SLC35B1: variants seen among roughly 807,000 people sequenced by gnomAD.
SLC35B1 encodes solute carrier family 35 member B1, also known as ATP/ADP exchanger ER.
SLC35B1 carries 27 observed loss-of-function variants against 36.6 expected under a neutral mutation model. The ratio of observed to expected loss-of-function variants is 0.74; its 90% CI spans 0.54 to 1.02. The LOEUF is 1.02. Among genes scored for constraint, SLC35B1 ranks in the 50% least tolerant of loss-of-function variants. SLC35B1 has a pLI of 0.00. For synonymous variants in SLC35B1, 162 were observed against 152.5 expected (o/e 1.06, Z -0.46); for missense variants, 321 against 383.2 (o/e 0.84, Z 1.35).
chr17:49,706,973 G>T lies in SLC35B1; in HGVS notation c.200C>A (p.Ala67Asp), dbSNP rs779192181. ...FIQCVINAVF[A>D]KILIQFFDTA... The stretch of plus-strand genomic sequence containing the variant: ...ACTATCTGGGTACTCACAGATCTTG[G>T]CAAACACAGCATTGATCACACATTG... The change falls in exon 2 of 9, where the codon GCC becomes GAC. Residue 67 changes from alanine to aspartate, a missense_variant. Ala to Asp is a moderately radical substitution (Grantham distance 126). Transcript: ENST00000240333. The T allele has an allele frequency of 6.2e-7, 1 of 1,612,994 alleles. No homozygotes were observed. Among genetic ancestry groups the T allele is most frequent in the Admixed American group, 1.7e-5 (1 of 60,000 alleles).
upstream of SLC35B1, chr17:49,708,085 A>T (rs772071619): frequency 2.0e-5 from 15 of 767,572 alleles, no homozygotes; most frequent in South Asian, 2.1e-4. Context: ...CCTTGGCTCC[A>T]TCCCTGAGGG....
At chr17:49,702,795 A>G in intron 8 of SLC35B1, 63 bp downstream of exon 8, 1 of 1,506,780 alleles carries the variant, frequency 6.6e-7, no homozygotes, top group South Asian at 1.2e-5. Flanking sequence ...AATTTCATAA[A>G]TATACAAGTA....
chr17:49,701,726 A>G, intron 8 of SLC35B1: 1 of 505,612 alleles, frequency 2.0e-6, no homozygotes, highest in East Asian at 3.2e-5. Context: ...AAATATATCT[A>G]TATAGAGATA....
At position 49,706,008 on chromosome 17, in the gene SLC35B1, G is replaced by A. The variant is rs558713985; in HGVS notation, c.340-112C>T. On this transcript the variant is annotated intron_variant, in intron 3 of 8. Coordinates refer to ENST00000240333, the MANE Select transcript of SLC35B1 (RefSeq NM_005827.4). ...CACAGGGCCTGCACCAGAGACCTCA[G>A]CCTCAGAAAGCAGCCCTATCATGGC... The A allele has an allele frequency of 1.1e-4, 140 of 1,308,694 alleles. No homozygotes were observed. In the East Asian group the frequency reaches 2.3e-3, roughly 22 times the overall value. The allele number at this position is 1,308,694 out of a possible 1,614,324, so 81.1% of individuals were successfully genotyped here.
In SLC35B1 at chr17:49,706,346, C is replaced by CAAAAAAAAAAAAAAAAAAGAAAAAA. The variant is rs2073417529; in HGVS notation, c.209-13_209-12insTTTTTTCTTTTTTTTTTTTTTTTTT. 1.5e-5 allele frequency: 11 copies of CAAAAAAAAAAAAAAAAAAGAAAAAA among 733,612 alleles called. No individual in the cohort carries two copies. Among genetic ancestry groups the CAAAAAAAAAAAAAAAAAAGAAAAAA allele is most frequent in the Admixed American group, 9.5e-5 (1 of 10,498 alleles). 45.4% of individuals were successfully genotyped at this position (733,612 alleles called of 1,614,324 possible). On this transcript the variant is annotated splice_polypyrimidine_tract_variant and intron_variant, in intron 2 of 8. Transcript: ENST00000240333. Reference sequence around the variant, plus strand: ...AAAAAACTGGATCACTGGGAGAAGACAAAAAAAAAAAAAAAAAAAGAAAAG... The same window carrying CAAAAAAAAAAAAAAAAAAGAAAAAA: ...AAAAAACTGGATCACTGGGAGAAGACAAAAAAAAAAAAAAAAAAGAAAAAAAAAAAAAAAAAAAAAAAAAGAAAAG...
In SLC35B1 at chr17:49,705,894, G is replaced by C. The variant is rs1177970686; in HGVS notation, c.342C>G (p.Val114=). The C allele has an allele frequency of 6.2e-7, 1 of 1,613,788 alleles. No individual in the cohort carries two copies. The highest frequency in any genetic ancestry group is 8.5e-7 in the Non-Finnish European group (1 of 1,179,880). ...ALQFVNYPTQ[V]LGKSCKPIPV... is the part of the protein sequence containing the mutation. ...GGATTGGCTTGCAGGATTTACCAAG[G>C]ACCTGAAATTAAATCCAGCAAATAA... The change falls in exon 4 of 9, where the codon GTC becomes GTG. Residue 114 remains valine, a splice_region_variant and synonymous_variant. Transcript: ENST00000240333.
chr17:49,706,436 G>A, intron 2 of SLC35B1, 102 bp from the exon 3 acceptor site: 1 of 1,120,978 alleles, frequency 8.9e-7, no homozygotes, highest in Non-Finnish European at 1.2e-6. Context: ...AAGCAAAGCT[G>A]AAGCCACATG....
intron 1 of SLC35B1, 197 bp downstream of exon 1, chr17:49,707,533 T>G: frequency 7.4e-6 from 11 of 1,489,522 alleles, no homozygotes; most frequent in African/African-American, 1.4e-5. Flanking sequence ...AATAACCAAG[T>G]CCGAAGAATC....
intron 1 of SLC35B1, 115 bp from the exon 2 acceptor site, chr17:49,707,183 G>A: frequency 7.6e-7 from 1 of 1,323,300 alleles, no homozygotes; most frequent in Non-Finnish European, 1.1e-6. Flanking sequence ...CTGGATGTAG[G>A]CAGAGTTTGT....
chr17:49,703,059 A>G lies in SLC35B1; in HGVS notation c.763-48T>C, dbSNP rs749360062. On this transcript the variant is annotated intron_variant, in intron 7 of 8. Coordinates refer to ENST00000240333, the MANE Select transcript of SLC35B1 (RefSeq NM_005827.4). ...TCCGGTGGGCTTCTGGGTATCTGCC[A>G]TTGGTCTAAAGTCTATAAACAGACC... The G allele has an allele frequency of 6.2e-6, 10 of 1,610,888 alleles. No individual in the cohort carries two copies. In the Admixed American group the frequency reaches 1.0e-4, roughly 16 times the overall value.
chr17:49,704,232 A>C lies in SLC35B1; in HGVS notation c.529-6T>G. ...TCCAGGGTCAGCGATAATAGCTGGG[A>C]AAGAAAGGGTGCAGCCTGCAGTGAA... On this transcript the variant is annotated splice_region_variant and splice_polypyrimidine_tract_variant and intron_variant, in intron 5 of 8. Transcript: ENST00000240333. The C allele has an allele frequency of 6.2e-7, 1 of 1,612,852 alleles. No homozygotes were observed. Among genetic ancestry groups the C allele is most frequent in the Non-Finnish European group, 8.5e-7 (1 of 1,179,784 alleles).
rs989224552 is a variant in SLC35B1, at chr17:49,703,379, C to A, written c.656-85G>T. The stretch of plus-strand genomic sequence containing the variant: ...ACACACACACACACACACACACAGA[C>A]ACTCCTGCACATGGCCTGTTAAAGA... On this transcript the variant is annotated intron_variant, in intron 6 of 8. Transcript: ENST00000240333. 12 of 835,498 alleles carry A rather than the reference C, an allele frequency of 1.4e-5. No individual in the cohort carries two copies. In the African/African-American group the frequency reaches 2.0e-4, roughly 14 times the overall value. The allele number at this position is 835,498 out of a possible 1,614,324, so 51.8% of individuals were successfully genotyped here.
intron 5 of SLC35B1, 98 bp downstream of exon 5, chr17:49,705,026 C>A (rs2143656639): frequency 1.6e-6 from 2 of 1,229,910 alleles, no homozygotes; most frequent in South Asian, 1.4e-5. Flanking sequence ...GCACCACAAC[C>A]TCCCTTGACA....
At chr17:49,706,356 A>AAAAAAAG in intron 2 of SLC35B1, 22 bp from the exon 3 acceptor site, 1 of 1,375,368 alleles carries the variant, frequency 7.3e-7, no homozygotes, top group Non-Finnish European at 9.6e-7. Flanking sequence ...CAAAAAAAAA[A>AAAAAAAG]AAAAAAAAAG....
rs766786550 is a variant in SLC35B1, at chr17:49,706,246, G to A, written c.297C>T (p.Val99=). 6.2e-7 allele frequency: 1 copy of A among 1,606,244 alleles called. No individual in the cohort carries two copies. Among genetic ancestry groups the A allele is most frequent in the Non-Finnish European group, 8.5e-7 (1 of 1,178,582 alleles). Residue 99 remains valine (V), a synonymous_variant, in exon 3 of 9, where the codon GTC becomes GTT. Coordinates refer to ENST00000240333, the MANE Select transcript of SLC35B1 (RefSeq NM_005827.4). The part of the protein sequence containing the change: ...ACSISYLGAM[V]SSNSALQFVN... ...CAAACTGTAGTGCTGAATTGCTGGA[G>A]ACCATGGCACCCAGATAGGAGATAG... is the stretch of plus-strand genomic sequence containing the variant.
At chr17:49,707,637 G>T in intron 1 of SLC35B1, 93 bp downstream of exon 1, 2 of 1,484,818 alleles carry the variant, frequency 1.3e-6, no homozygotes, top group Non-Finnish European at 1.8e-6. Context: ...CGGGCAGGAG[G>T]ACAAGAGGAA....
At position 49,701,992 on chromosome 17, in the gene SLC35B1, C is replaced by T. The variant is rs1013377439; in HGVS notation, c.917-482G>A. 84 of 313,314 alleles carry T rather than the reference C, an allele frequency of 2.7e-4. 1 individual carries two copies. The highest frequency in any genetic ancestry group is 6.4e-4 in the South Asian group (25 of 39,112). The allele number at this position is 313,314 out of a possible 1,614,324, so 19.4% of individuals were successfully genotyped here. A position where few individuals can be genotyped will look rare whatever the true frequency, so the allele number is the denominator to read the frequency against. On this transcript the variant is annotated intron_variant, in intron 8 of 8. Coordinates refer to ENST00000240333, the MANE Select transcript of SLC35B1 (RefSeq NM_005827.4). ...CCTATAATCGCAACTACTCGGGAGG[C>T]TGTGGTGGGTGGATCACTTGAGTCC... is the stretch of plus-strand genomic sequence containing the variant.
chr17:49,705,005 G>A, intron 5 of SLC35B1, 119 bp downstream of exon 5: 1 of 935,284 alleles, frequency 1.1e-6, no homozygotes, highest in Admixed American at 2.2e-5. Flanking sequence ...GAGCAGATAT[G>A]GGGACAAGGA....
chr17:49,707,972 A>T (rs1439716100), upstream of SLC35B1: 1 of 1,530,394 alleles, frequency 6.5e-7, no homozygotes. Flanking sequence ...GCTGTCCAGC[A>T]GGGCCCAGCA....
Sources: allele counts gnomAD v4.1 joint callset, GRCh38; gene constraint gnomAD v4.1.1; transcripts MANE v1.5; gene names NCBI Gene and HGNC (gene_info 2026-07-23, HGNC 2026-07-21).